SPAG16: variants seen among roughly 807,000 people sequenced by gnomAD.
SPAG16 encodes the protein sperm associated antigen 16.
In SPAG16, 86 loss-of-function variants were observed where a neutral mutation model predicts 80.4. The observed-to-expected ratio is 1.07, with a 90% confidence interval of 0.90 to 1.28. The LOEUF is 1.28. Ranked by LOEUF, SPAG16 falls within the 50% of genes most tolerant of loss-of-function variation. SPAG16 has a pLI of 0.00. For missense variants in SPAG16, 870 were observed against 765.3 expected, an observed-to-expected ratio of 1.14 and a Z score of -1.61; for synonymous variants, 294 against 265.9, an observed-to-expected ratio of 1.11 and a Z score of -1.03.
intron 12 of SPAG16, among the ~76,000 whole-genome samples, chr2:213,972,232 A>G (rs536420402): frequency 5.3e-5 from 8 of 151,132 alleles, no homozygotes; most frequent in Middle Eastern, 3.4e-3. Flanking sequence ...GTCTGTATTC[A>G]TCAGAGAAAA....
chr2:214,236,651 CAA>C (rs796602256), intron 15 of SPAG16, among the ~76,000 whole-genome samples: 3 of 131,566 alleles, frequency 2.3e-5, no homozygotes. Context: ...GACTCCGTTT[CAA>C]AAAAAAAAAA....
intron 15 of SPAG16, among the ~76,000 whole-genome samples, chr2:214,201,813 CT>C (rs2058017096): frequency 6.8e-6 from 1 of 147,824 alleles, no homozygotes; most frequent in African/African-American, 2.7e-5. Flanking sequence ...ACATTTCTTT[CT>C]TTTCTTTTCT....
intron 11 of SPAG16, among the ~76,000 whole-genome samples, chr2:213,892,106 T>C (rs1466949544): frequency 6.6e-6 from 1 of 152,096 alleles, no homozygotes; most frequent in Non-Finnish European, 1.5e-5. Flanking sequence ...AATGACTGTA[T>C]AGCAGCACCA....
intron 10 of SPAG16, among the ~76,000 whole-genome samples, chr2:213,752,631 C>T (rs2068127560): frequency 6.6e-6 from 1 of 152,164 alleles, no homozygotes; most frequent in Non-Finnish European, 1.5e-5. Flanking sequence ...ACTGACATTC[C>T]TCTGTTGCCT....
rs190374786 is a variant in SPAG16 at position 214,110,772 on chromosome 2, A to G, written c.1593+2511A>G. On this transcript the variant is annotated intron_variant, in intron 14 of 15. Coordinates refer to ENST00000331683, the MANE Select transcript of SPAG16 (RefSeq NM_024532.5). ...TGACCAACAGTGTAAAAGCATTCCTATTTCTCCACATCCTCTCCAGCATCT... is the reference window on the plus strand; with the variant it reads ...TGACCAACAGTGTAAAAGCATTCCTGTTTCTCCACATCCTCTCCAGCATCT... Among the ~76,000 whole-genome samples, 847 of 152,174 alleles carry G rather than the reference A, an allele frequency of 5.6e-3. 7 individuals carry two copies. Among genetic ancestry groups the G allele is most frequent in the African/African-American group, 0.02 (825 of 41,514 alleles).
chr2:213,485,904 G>C (rs1238633197), intron 9 of SPAG16, among the ~76,000 whole-genome samples: 1 of 151,954 alleles, frequency 6.6e-6, no homozygotes, highest in Non-Finnish European at 1.5e-5. Flanking sequence ...ATGCCTAACT[G>C]ATGTATTACT....
chr2:213,505,303 T>G (rs2074924476), intron 10 of SPAG16, among the ~76,000 whole-genome samples: 1 of 151,470 alleles, frequency 6.6e-6, no homozygotes, highest in South Asian at 2.1e-4. Flanking sequence ...GTGGACACAA[T>G]TTTTTTTTAC....
intron 10 of SPAG16, among the ~76,000 whole-genome samples, chr2:213,817,930 C>T (rs1259548505): frequency 6.6e-6 from 1 of 152,056 alleles, no homozygotes; most frequent in Non-Finnish European, 1.5e-5. Flanking sequence ...CACAATATAC[C>T]CATGTAATAA....
At chr2:213,611,173 T>A (rs1395980990) in intron 10 of SPAG16, among the ~76,000 whole-genome samples, 3 of 152,180 alleles carry the variant, frequency 2.0e-5, no homozygotes, top group Non-Finnish European at 4.4e-5. Context: ...TCATGTGTTG[T>A]CCCTCCCACC....
At chr2:213,932,991 C>CACACACACACACACA (rs1553671735) in intron 12 of SPAG16, among the ~76,000 whole-genome samples, 2 of 147,568 alleles carry the variant, frequency 1.4e-5, no homozygotes, top group African/African-American at 2.5e-5. Context: ...CACACACACA[C>CACACACACACACACA]CAGTGTAACC....
At chr2:213,943,964 A>G (rs1244146759) in intron 12 of SPAG16, among the ~76,000 whole-genome samples, 1 of 152,238 alleles carries the variant, frequency 6.6e-6, no homozygotes, top group Non-Finnish European at 1.5e-5. Flanking sequence ...ACAGCACTGG[A>G]CCATAGAGCT....
intron 13 of SPAG16, among the ~76,000 whole-genome samples, chr2:214,051,456 T>C (rs546177535): frequency 6.6e-6 from 1 of 152,300 alleles, no homozygotes; most frequent in South Asian, 2.1e-4. Flanking sequence ...GAGAGCAAAG[T>C]TGTATTAATC....
intron 10 of SPAG16, among the ~76,000 whole-genome samples, chr2:213,610,734 G>C (rs777290400): frequency 6.6e-6 from 1 of 152,198 alleles, no homozygotes; most frequent in South Asian, 2.1e-4. Context: ...GAGGAAGAAC[G>C]CGTCTACCCT....
At position 213,949,178 on chromosome 2, in the gene SPAG16, T is replaced by G. The variant is rs1043211257; in HGVS notation, c.1400+19033T>G. Among the ~76,000 whole-genome samples, 35 of 19,174 alleles carry G rather than the reference T, an allele frequency of 1.8e-3. 1 individual carries two copies. The highest frequency in any genetic ancestry group is 4.2e-3 in the Non-Finnish European group (26 of 6,156). 12.6% of individuals were successfully genotyped at this position (19,174 alleles called of 152,430 possible). On this transcript the variant is annotated intron_variant, in intron 12 of 15. Coordinates refer to ENST00000331683, the MANE Select transcript of SPAG16 (RefSeq NM_024532.5). The stretch of plus-strand genomic sequence containing the variant: ...CTACTTAATTACAACAGTTTTTTTT[T>G]TTTTTTTTTTTTTTTGAGGTAGAGT...
chr2:214,048,169 G>A (rs2049443524), intron 13 of SPAG16, among the ~76,000 whole-genome samples: 1 of 152,288 alleles, frequency 6.6e-6, no homozygotes, highest in Non-Finnish European at 1.5e-5. Context: ...GCTATCATAA[G>A]ATCTAGCAAT....
intron 14 of SPAG16, among the ~76,000 whole-genome samples, chr2:214,121,642 A>G (rs537430762): frequency 6.6e-6 from 1 of 151,956 alleles, no homozygotes; most frequent in East Asian, 1.9e-4. Context: ...TGCTATTATT[A>G]TTACTAAAGT....
At chr2:213,315,778 G>A (rs972385426) in intron 4 of SPAG16, among the ~76,000 whole-genome samples, 5 of 151,656 alleles carry the variant, frequency 3.3e-5, no homozygotes, top group East Asian at 1.9e-4. Flanking sequence ...GGCAGCATTC[G>A]TCACTGTTGT....
intron 9 of SPAG16, among the ~76,000 whole-genome samples, chr2:213,469,964 A>C (rs993329044): frequency 6.6e-6 from 1 of 152,090 alleles, no homozygotes; most frequent in Non-Finnish European, 1.5e-5. Flanking sequence ...AGACTTCTAG[A>C]CTAGTAGAAT....
At chr2:213,872,987 T>C (rs1041582089) in intron 11 of SPAG16, among the ~76,000 whole-genome samples, 95 of 152,216 alleles carry the variant, frequency 6.2e-4, no homozygotes, top group African/African-American at 2.2e-3. Flanking sequence ...GTATTAGTAT[T>C]TTCTTGATGA....
Sources: gnomAD v4.1 joint callset for allele counts (sites outside exome capture counted in the v4.1 genomes callset) on GRCh38, gnomAD v4.1.1 for gene constraint, MANE v1.5 for transcripts, NCBI Gene and HGNC (gene_info 2026-07-23, HGNC 2026-07-21) for gene names.